Variants in QSOX1 observed in about 807,000 individuals in gnomAD.
QSOX1 encodes the protein quiescin sulfhydryl oxidase 1.
In QSOX1, 40 loss-of-function variants were observed where a neutral mutation model predicts 76.1. The observed-to-expected ratio is 0.53, with a 90% CI of 0.41 to 0.68. The LOEUF (loss-of-function observed/expected upper bound fraction) is 0.68, where lower values mean the gene tolerates loss of function less well. QSOX1 is among the 30% of genes least tolerant of loss of function. The pLI is 0.00. For missense variants in QSOX1, 931 were observed against 974.3 expected, an observed-to-expected ratio of 0.96 and a Z score of 0.59; for synonymous variants, 392 against 413.1, an observed-to-expected ratio of 0.95 and a Z score of 0.62.
In QSOX1 at chr1:180,199,699, C is replaced by G. The variant is rs1030119863; in HGVS notation, c.*2662C>G. 13 of 151,570 alleles carry G rather than the reference C, an allele frequency of 8.6e-5. No homozygotes were observed. Among genetic ancestry groups the G allele is most frequent in the African/African-American group, 3.1e-4 (13 of 41,282 alleles). The allele number at this position is 151,570 out of a possible 1,614,324, so 9.4% of individuals were successfully genotyped here. A position where few individuals can be genotyped will look rare whatever the true frequency, so the allele number is the denominator to read the frequency against. On this transcript the variant is annotated 3_prime_UTR_variant, in exon 12 of 12. Coordinates refer to ENST00000367602, the MANE Select transcript of QSOX1 (RefSeq NM_002826.5). ...GGGGCTTCCGTTCTAGAGGCAAGGA[C>G]AGGTTGTGATGAGGGTTCTGAAGGA...
intron 5 of QSOX1, among the ~76,000 whole-genome samples, chr1:180,180,557 C>G (rs1422731170): frequency 6.6e-6 from 1 of 152,230 alleles, no homozygotes; most frequent in Admixed American, 6.5e-5. Context: ...CTCTGTCGCC[C>G]AGGCGGGAGT....
chr1:180,187,316 G>A (rs1479786989), intron 8 of QSOX1, among the ~76,000 whole-genome samples: 1 of 152,206 alleles, frequency 6.6e-6, no homozygotes, highest in Non-Finnish European at 1.5e-5. Flanking sequence ...CCATAATAGA[G>A]ACCTTTCCTC....
intron 1 of QSOX1, among the ~76,000 whole-genome samples, chr1:180,157,669 ATG>A (rs1409987450): frequency 6.6e-6 from 1 of 152,132 alleles, no homozygotes; most frequent in African/African-American, 2.4e-5. Context: ...GGGGCAGAGC[ATG>A]TGTTTCTGAG....
chr1:180,154,970 G>T lies in QSOX1; in HGVS notation c.63G>T (p.Leu21=). ...CGCTGCTGCTGCTGCTGCTGTGGCT[G>T]CTCGCGGTTCCCGGCGCTAACGCGG... ...PPSLLLLLLW[L]LAVPGANAAP... The change falls in exon 1 of 12, where the codon CTG becomes CTT. Residue 21 remains leucine, a synonymous_variant. Transcript: ENST00000367602. The T allele has an allele frequency of 1.3e-6, 2 of 1,505,660 alleles. No individual in the cohort carries two copies. Among genetic ancestry groups the T allele is most frequent in the Non-Finnish European group, 1.8e-6 (2 of 1,134,958 alleles). 93.3% of individuals were successfully genotyped at this position (1,505,660 alleles called of 1,614,324 possible).
At chr1:180,166,149 TG>T (rs1177897625) in intron 1 of QSOX1, among the ~76,000 whole-genome samples, 1 of 142,030 alleles carries the variant, frequency 7.0e-6, no homozygotes, top group Non-Finnish European at 1.5e-5. Flanking sequence ...TCCTGGGGGG[TG>T]GGGGGCTGGG....
intron 1 of QSOX1, among the ~76,000 whole-genome samples, chr1:180,165,821 G>A (rs770192289): frequency 3.8e-4 from 58 of 152,364 alleles, no homozygotes; most frequent in Non-Finnish European, 6.6e-4. Context: ...GCCCAGAATG[G>A]TGCCATTATT....
chr1:180,183,883 C>T (rs759827079), intron 6 of QSOX1, 33 bp from the exon 7 acceptor site: 29 of 1,597,174 alleles, frequency 1.8e-5, no homozygotes, highest in South Asian at 1.1e-5. Flanking sequence ...TCTGCACTTA[C>T]TGCCTCTCCT....
chr1:180,183,683 A>G (rs1181018336), intron 6 of QSOX1, among the ~76,000 whole-genome samples: 1 of 152,186 alleles, frequency 6.6e-6, no homozygotes, highest in Non-Finnish European at 1.5e-5. Flanking sequence ...GTGAGGTTTG[A>G]CATCAGGCTG....
intron 1 of QSOX1, among the ~76,000 whole-genome samples, chr1:180,155,725 G>A (rs1662362306): frequency 6.6e-6 from 1 of 152,196 alleles, no homozygotes; most frequent in African/African-American, 2.4e-5. Flanking sequence ...TTTTGTCTTT[G>A]ATGTGGGTAT....
Position 180,175,114 on chromosome 1 carries a change from G to A in QSOX1, c.367-207G>A, listed in dbSNP as rs571809275. On this transcript the variant is annotated intron_variant, in intron 2 of 11. Coordinates refer to ENST00000367602, the MANE Select transcript of QSOX1 (RefSeq NM_002826.5). The stretch of plus-strand genomic sequence containing the variant: ...AGAGCTTGCAGTGAGCCGAGATCGC[G>A]CCACTGCACTCCAGCCTGAGCGACA... Among the ~76,000 whole-genome samples, 344 of 148,928 alleles carry A rather than the reference G, an allele frequency of 2.3e-3. 3 individuals carry two copies. The highest frequency in any genetic ancestry group is 3.5e-3 in the Middle Eastern group (1 of 284).
chr1:180,181,948 C>T (rs2149238293), intron 5 of QSOX1, among the ~76,000 whole-genome samples: 2 of 152,364 alleles, frequency 1.3e-5, no homozygotes, highest in Middle Eastern at 6.8e-3. Context: ...ATGCACAGCT[C>T]CAAGGCCTCT....
chr1:180,169,253 C>T (rs1179158936), intron 2 of QSOX1, among the ~76,000 whole-genome samples: 3 of 152,208 alleles, frequency 2.0e-5, no homozygotes, highest in African/African-American at 4.8e-5. Flanking sequence ...CTGGAACTTC[C>T]GGGTCAAGGG....
chr1:180,177,835 C>T (rs1412437883), intron 4 of QSOX1, among the ~76,000 whole-genome samples: 1 of 151,974 alleles, frequency 6.6e-6, no homozygotes, highest in Non-Finnish European at 1.5e-5. Flanking sequence ...ACTGGCTGGG[C>T]TCCAGCATCA....
rs1461800249 is a variant in QSOX1, at chr1:180,154,928, C to T, written c.21C>T (p.Gly7=). Residue 7 remains glycine (G), a synonymous_variant, in exon 1 of 12, where the codon GGC becomes GGT. Transcript: ENST00000367602. Reference sequence around the variant, plus strand: ...CGAGGATGAGGAGGTGCAACAGCGGCTCCGGGCCGCCGCCGTCGCTGCTGC... The same window carrying T: ...CGAGGATGAGGAGGTGCAACAGCGGTTCCGGGCCGCCGCCGTCGCTGCTGC... MRRCNS[G]SGPPPSLLLL... 10 of 1,473,972 alleles carry T rather than the reference C, an allele frequency of 6.8e-6. No homozygotes were observed. Among genetic ancestry groups the T allele is most frequent in the Non-Finnish European group, 8.0e-6 (9 of 1,121,286 alleles). 91.3% of individuals were successfully genotyped at this position (1,473,972 alleles called of 1,614,324 possible). A position where few individuals can be genotyped will look rare whatever the true frequency, so the allele number is the denominator to read the frequency against.
In QSOX1 at chr1:180,196,390, GC is replaced by G; in HGVS notation, c.1600del (p.His534ThrfsTer52). 1 of 1,614,142 alleles carries G rather than the reference GC, an allele frequency of 6.2e-7. No individual in the cohort carries two copies. Among genetic ancestry groups the G allele is most frequent in the East Asian group, 2.2e-5 (1 of 44,886 alleles). On this transcript the variant is annotated frameshift_variant, in exon 12 of 12. Transcript: ENST00000367602. LOFTEE classifies it high-confidence loss of function. The surrounding 1 kb of genome is among the most constrained non-coding windows in gnomAD (Gnocchi z 4.1). ...GGAAGCCACCCTCAACTTCCTCAAG[GC>G]CCACTTCTCCCCAAGCAACATCATC... Reference protein sequence around the residue: ...DVEATLNFLKAHFSPSNIILD... With the variant: ...DVEATLNFLKXHFSPSNIILD...
chr1:180,199,587 C>T lies in QSOX1; in HGVS notation c.*2550C>T, dbSNP rs748574521. 4 of 152,090 alleles carry T rather than the reference C, an allele frequency of 2.6e-5. No individual in the cohort carries two copies. The highest frequency in any genetic ancestry group is 5.9e-5 in the Non-Finnish European group (4 of 68,040). 9.4% of individuals were successfully genotyped at this position (152,090 alleles called of 1,614,324 possible). On this transcript the variant is annotated 3_prime_UTR_variant, in exon 12 of 12. Transcript: ENST00000367602. Reference sequence around the variant, plus strand: ...AGCAAAGAAAAGTAGAATTCGAAAACTTTTTAAAAATATTACTAAGGATTT... The same window carrying T: ...AGCAAAGAAAAGTAGAATTCGAAAATTTTTTAAAAATATTACTAAGGATTT...
chr1:180,190,471 C>T lies in QSOX1; in HGVS notation c.1179C>T (p.Cys393=). The change falls in exon 10 of 12, where the codon TGC becomes TGT. Residue 393 remains cysteine, a synonymous_variant. Coordinates refer to ENST00000367602, the MANE Select transcript of QSOX1 (RefSeq NM_002826.5). ...CCAAGAAGGTGAACTGGATTGGCTG[C>T]CAGGGGAGTGAGCCGCATTTCCGGG... ...VLAKKVNWIG[C]QGSEPHFRGF... 1 of 1,613,998 alleles carries T rather than the reference C, an allele frequency of 6.2e-7. No individual in the cohort carries two copies. The highest frequency in any genetic ancestry group is 8.5e-7 in the Non-Finnish European group (1 of 1,179,842).
At position 180,197,929 on chromosome 1, in the gene QSOX1, C is replaced by T; in HGVS notation, c.*892C>T. Reference sequence around the variant, plus strand: ...TCTCCAGGTTTCACCTTCCAGTGTGCAGAAGTTAGAAGGGTCTGGCGGGGG... The same window carrying T: ...TCTCCAGGTTTCACCTTCCAGTGTGTAGAAGTTAGAAGGGTCTGGCGGGGG... On this transcript the variant is annotated 3_prime_UTR_variant, in exon 12 of 12. Coordinates refer to ENST00000367602, the MANE Select transcript of QSOX1 (RefSeq NM_002826.5). The T allele has an allele frequency of 3.0e-6, 1 of 336,298 alleles. No individual in the cohort carries two copies. The highest frequency in any genetic ancestry group is 5.9e-6 in the Non-Finnish European group (1 of 168,720). The allele number at this position is 336,298 out of a possible 1,614,324, so 20.8% of individuals were successfully genotyped here. A position where few individuals can be genotyped will look rare whatever the true frequency, so the allele number is the denominator to read the frequency against.
Position 180,202,686 on chromosome 1 carries a change from A to AG in QSOX1, c.*5649_*5650insG, listed in dbSNP as rs1663659100. ...TTAGTAAGCTAATGCAAAAAAAAAA[A>AG]AAAAAGGGGAAATATAATTGAATAC... On this transcript the variant is annotated 3_prime_UTR_variant, in exon 12 of 12. Coordinates refer to ENST00000367602, the MANE Select transcript of QSOX1 (RefSeq NM_002826.5). The AG allele has an allele frequency of 6.6e-6, 1 of 151,864 alleles. No individual in the cohort carries two copies. The highest frequency in any genetic ancestry group is 1.5e-5 in the Non-Finnish European group (1 of 67,976). The allele number at this position is 151,864 out of a possible 1,614,324, so 9.4% of individuals were successfully genotyped here.
Sources: allele counts gnomAD v4.1 joint callset (sites outside exome capture counted in the v4.1 genomes callset), GRCh38; gene constraint gnomAD v4.1.1; non-coding constraint Gnocchi (gnomAD v3.1); transcripts MANE v1.5; gene names NCBI Gene and HGNC (gene_info 2026-07-23, HGNC 2026-07-21).